TNKS: variants seen among roughly 807,000 people sequenced by gnomAD.
TNKS encodes the protein poly [ADP-ribose] polymerase tankyrase-1.
A neutral mutation model predicts 135.8 loss-of-function variants in TNKS; 72 were observed. That is an observed-to-expected ratio of 0.53 (90% CI 0.44 to 0.64). The LOEUF (loss-of-function observed/expected upper bound fraction) is 0.64. Ranked by LOEUF, TNKS falls within the 30% of genes least tolerant of loss-of-function variation. The probability of loss-of-function intolerance (pLI) is 0.00; values close to 1 mark genes in which losing one functional copy is unlikely to be tolerated. For synonymous variants in TNKS, 849 were observed against 649.3 expected, an observed-to-expected ratio of 1.31 and a Z score of -4.68; for missense variants, 1,769 against 1,674.0, an observed-to-expected ratio of 1.06 and a Z score of -0.99.
intron 1 of TNKS, among the ~76,000 whole-genome samples, chr8:9,565,788 C>G (rs888996439): frequency 6.6e-6 from 1 of 151,970 alleles, no homozygotes; most frequent in Non-Finnish European, 1.5e-5. Context: ...ACCCCGGAGG[C>G]AGAGCTTGCA....
chr8:9,703,499 G>A (rs185770081), intron 5 of TNKS, among the ~76,000 whole-genome samples: 30 of 152,284 alleles, frequency 2.0e-4, no homozygotes, highest in Admixed American at 2.0e-3. Context: ...ATAAGTTCCA[G>A]GAATGTAGTC....
chr8:9,602,181 CA>C (rs900412698), intron 2 of TNKS, among the ~76,000 whole-genome samples: 7 of 152,208 alleles, frequency 4.6e-5, no homozygotes, highest in African/African-American at 1.7e-4. Context: ...CAAGCCGTGG[CA>C]AAAGCCCGAG....
chr8:9,598,789 A>G (rs866811998), intron 2 of TNKS, among the ~76,000 whole-genome samples: 2,729 of 80,266 alleles, frequency 0.034, 258 homozygotes, highest in African/African-American at 0.12. Flanking sequence ...ATATATATAT[A>G]TATATATATA....
At chr8:9,580,109 T>C (rs776128142) in intron 1 of TNKS, 50 bp from the exon 2 acceptor site, 1 of 1,511,838 alleles carries the variant, frequency 6.6e-7, no homozygotes, top group East Asian at 2.3e-5. Context: ...CTAATGGTTC[T>C]TTTTACAAAA....
At chr8:9,627,851 A>T (rs1800123408) in intron 3 of TNKS, among the ~76,000 whole-genome samples, 1 of 152,056 alleles carries the variant, frequency 6.6e-6, no homozygotes, top group Admixed American at 6.6e-5. Flanking sequence ...TACACATTTA[A>T]TTTTTTCCTC....
intron 17 of TNKS, among the ~76,000 whole-genome samples, chr8:9,744,695 G>A (rs998672960): frequency 2.0e-5 from 3 of 152,112 alleles, no homozygotes; most frequent in African/African-American, 7.2e-5. Flanking sequence ...GCTATTTATT[G>A]GATTTGTCAG....
At chr8:9,753,803 A>C (rs545038263) in intron 20 of TNKS, among the ~76,000 whole-genome samples, 1 of 152,318 alleles carries the variant, frequency 6.6e-6, no homozygotes, top group South Asian at 2.1e-4. Flanking sequence ...AAGTGTGCCA[A>C]AATCTGCCCG....
intron 5 of TNKS, among the ~76,000 whole-genome samples, chr8:9,687,729 C>G (rs927404246): frequency 6.6e-6 from 1 of 152,156 alleles, no homozygotes; most frequent in Non-Finnish European, 1.5e-5. Flanking sequence ...CCTTCCTATC[C>G]AGAAGCACAA....
chr8:9,613,220 C>G (rs1178909466), intron 2 of TNKS, among the ~76,000 whole-genome samples: 1 of 152,202 alleles, frequency 6.6e-6, no homozygotes, highest in Non-Finnish European at 1.5e-5. Flanking sequence ...AAAGAGTTAG[C>G]TGACCCCTGC....
At chr8:9,680,530 A>T (rs1448867242) in intron 4 of TNKS, among the ~76,000 whole-genome samples, 195 bp from the exon 5 acceptor site, 2 of 152,206 alleles carry the variant, frequency 1.3e-5, no homozygotes, top group African/African-American at 2.4e-5. Context: ...TTTAAGATAT[A>T]CCACTATAGG....
In TNKS at chr8:9,624,449, C is replaced by A. The variant is rs972405556; in HGVS notation, c.994+8772C>A. Reference sequence around the variant, plus strand: ...TTTATTTTGACATAATTGTAAGTTCCCATGCAATTGTTAGAAGTAATAAAA... The same window carrying A: ...TTTATTTTGACATAATTGTAAGTTCACATGCAATTGTTAGAAGTAATAAAA... On this transcript the variant is annotated intron_variant, in intron 3 of 26. Transcript: ENST00000310430. 5.3e-5 allele frequency among the ~76,000 whole-genome samples: 8 copies of A among 151,988 alleles called. No individual in the cohort carries two copies. In the South Asian group the frequency reaches 1.7e-3, roughly 32 times the overall value.
At chr8:9,621,789 A>C (rs1326654294) in intron 3 of TNKS, among the ~76,000 whole-genome samples, 1 of 152,164 alleles carries the variant, frequency 6.6e-6, no homozygotes, top group Admixed American at 6.5e-5. Context: ...ACTGCATCCT[A>C]GAAAATAAAC....
intron 3 of TNKS, among the ~76,000 whole-genome samples, chr8:9,672,855 T>A (rs1802360538): frequency 2.0e-5 from 3 of 151,950 alleles, no homozygotes; most frequent in Admixed American, 6.6e-5. Flanking sequence ...CTTAGAGAGT[T>A]CCCTCCCTCC....
intron 5 of TNKS, among the ~76,000 whole-genome samples, chr8:9,701,954 TAGGAACTCACAC>T (rs1002028220): frequency 1.3e-5 from 2 of 152,160 alleles, no homozygotes; most frequent in African/African-American, 4.8e-5. Context: ...GTAACAAGCC[TAGGAACTCACAC>T]AGAGTCTGTA....
rs75792905 is a variant in TNKS, at chr8:9,602,097, A to G, written c.899-13485A>G. On this transcript the variant is annotated intron_variant, in intron 2 of 26. Transcript: ENST00000310430. ...CAGTTGGGGAGTGTTAATGGCATCCAGTGGGTAGAGGTAAGGGGTGCTGTT... is the reference window on the plus strand; with the variant it reads ...CAGTTGGGGAGTGTTAATGGCATCCGGTGGGTAGAGGTAAGGGGTGCTGTT... 6.8e-4 allele frequency among the ~76,000 whole-genome samples: 104 copies of G among 152,164 alleles called. 1 individual carries two copies. In the East Asian group the frequency reaches 0.019, roughly 27 times the overall value.
At chr8:9,651,727 T>C (rs961907673) in intron 3 of TNKS, among the ~76,000 whole-genome samples, 20 of 152,200 alleles carry the variant, frequency 1.3e-4, no homozygotes, top group Non-Finnish European at 2.9e-5. Context: ...TTTCTAGCTG[T>C]GGTATGGGCT....
intron 17 of TNKS, among the ~76,000 whole-genome samples, chr8:9,736,400 A>C (rs867918947): frequency 6.6e-6 from 1 of 151,444 alleles, no homozygotes; most frequent in Admixed American, 6.6e-5. Context: ...GTTGATATAT[A>C]TGGTTTCAGA....
intron 13 of TNKS, among the ~76,000 whole-genome samples, chr8:9,728,672 TATTTA>T (rs1805273654): frequency 6.6e-6 from 1 of 152,238 alleles, no homozygotes; most frequent in South Asian, 2.1e-4. Flanking sequence ...ATTCATTTTT[TATTTA>T]ATTTGATTTG....
intron 26 of TNKS, 77 bp from the exon 27 acceptor site, chr8:9,776,573 G>C (rs927048374): frequency 7.3e-7 from 1 of 1,365,614 alleles, no homozygotes; most frequent in African/African-American, 1.4e-5. Context: ...AACAGCCTTT[G>C]AGGCTTCCAC....
Sources: allele counts gnomAD v4.1 joint callset (sites outside exome capture counted in the v4.1 genomes callset), GRCh38; gene constraint gnomAD v4.1.1; transcripts MANE v1.5; gene names NCBI Gene and HGNC (gene_info 2026-07-23, HGNC 2026-07-21).